Variants in TPX2 observed in about 807,000 individuals in gnomAD.
The protein encoded by TPX2 is targeting protein for Xklp2.
TPX2 carries 21 observed loss-of-function variants against 93.6 expected under a neutral mutation model. That is an observed-to-expected ratio of 0.22 (90% CI 0.16 to 0.32). The LOEUF is 0.32. Among genes scored for constraint, TPX2 ranks in the 10% least tolerant of loss-of-function variants. The pLI, the probability that TPX2 is intolerant of heterozygous loss-of-function variation, is 1.00. For missense variants in TPX2, 776 were observed against 871.1 expected (o/e 0.89, Z 1.37); for synonymous variants, 281 against 298.3 (o/e 0.94, Z 0.60).
intron 5 of TPX2, among the ~76,000 whole-genome samples, chr20:31,768,544 C>T (rs930242188): frequency 6.6e-5 from 10 of 151,906 alleles, no homozygotes; most frequent in Admixed American, 2.6e-4. Context: ...TGTGCCCGGC[C>T]GGAAAGATTT....
intron 2 of TPX2, among the ~76,000 whole-genome samples, chr20:31,757,102 C>T (rs1431389057): frequency 6.6e-6 from 1 of 151,908 alleles, no homozygotes; most frequent in Non-Finnish European, 1.5e-5. Flanking sequence ...TATTTAGAGA[C>T]AGGGTCTGTC....
At chr20:31,760,687 C>T (rs553510542) in intron 4 of TPX2, among the ~76,000 whole-genome samples, 15 of 152,106 alleles carry the variant, frequency 9.9e-5, no homozygotes, top group South Asian at 2.1e-4. Context: ...TTGCCAGATA[C>T]GTAACTGTTA....
intron 8 of TPX2, among the ~76,000 whole-genome samples, chr20:31,776,940 T>A (rs1276406263): frequency 6.6e-6 from 1 of 152,164 alleles, no homozygotes; most frequent in East Asian, 1.9e-4. Flanking sequence ...TATTTTTTTC[T>A]AAAGGCAAAG....
chr20:31,788,648 G>A, intron 12 of TPX2, among the ~76,000 whole-genome samples: 1 of 152,022 alleles, frequency 6.6e-6, no homozygotes, highest in Non-Finnish European at 1.5e-5. Context: ...GTTGATGAAA[G>A]ATGGGCTTGG....
At chr20:31,761,012 TCA>T (rs769545276) in intron 4 of TPX2, among the ~76,000 whole-genome samples, 99 of 152,290 alleles carry the variant, frequency 6.5e-4, no homozygotes, top group Middle Eastern at 3.4e-3. Flanking sequence ...TAGATTTAAC[TCA>T]CACATCATAT....
In TPX2 at chr20:31,797,485, G is replaced by A. The variant is rs1392148184; in HGVS notation, c.1915G>A (p.Val639Ile). 1 of 1,614,034 alleles carries A rather than the reference G, an allele frequency of 6.2e-7. No homozygotes were observed. Among genetic ancestry groups the A allele is most frequent in the East Asian group, 2.2e-5 (1 of 44,870 alleles). Reference protein sequence around the residue: ...PNTVISQEPFVPKKEKKSVAE... With the variant: ...PNTVISQEPFIPKKEKKSVAE... ...CACCGTCATCTCTCAGGAGCCCTTT[G>A]TTCCCAAGAAAGAGAAGAAATCAGT... The change falls in exon 16 of 18, where the codon GTT becomes ATT. Residue 639 changes from valine to isoleucine, a missense_variant. Val to Ile is a conservative substitution (Grantham distance 29). This residue lies in a region of TPX2 where 461 missense variants were observed against 551.2 expected (regional missense o/e 0.84). Transcript: ENST00000300403.
At chr20:31,782,060 C>T (rs1439865963) in intron 10 of TPX2, among the ~76,000 whole-genome samples, 189 bp from the exon 11 acceptor site, 4 of 152,144 alleles carry the variant, frequency 2.6e-5, no homozygotes, top group Admixed American at 2.0e-4. Context: ...TCATACCCCT[C>T]AATAAAAGAG....
rs370520481 is a variant in TPX2, at chr20:31,763,721, A to ATT, written c.230-2820_230-2819dup. ...TTAAATTTAATTTAATTTAAATTTA[A>ATT]TTTTTTTTTTTTTTTTGGCTGGACG... On this transcript the variant is annotated intron_variant, in intron 4 of 17. Coordinates refer to ENST00000300403, the MANE Select transcript of TPX2 (RefSeq NM_012112.5). Among the ~76,000 whole-genome samples, 615 of 114,000 alleles carry ATT rather than the reference A, an allele frequency of 5.4e-3. 10 individuals are homozygous for ATT. Among genetic ancestry groups the ATT allele is most frequent in the African/African-American group, 0.025 (560 of 22,780 alleles). The allele number at this position is 114,000 out of a possible 152,430, so 74.8% of individuals were successfully genotyped here.
In TPX2 at chr20:31,792,753, G is replaced by A. The variant is rs1274368569; in HGVS notation, c.1432G>A (p.Val478Ile). ...EDVVGVPEKK[V>I]LPITVPKSPA... is the part of the protein sequence containing the mutation. Reference sequence around the variant, plus strand: ...CTTTCAGGGTGTTCCTGAAAAGAAGGTACTTCCAATCACCGTCCCCAAGTC... The same window carrying A: ...CTTTCAGGGTGTTCCTGAAAAGAAGATACTTCCAATCACCGTCCCCAAGTC... Residue 478 changes from valine (V) to isoleucine (I), a missense_variant, in exon 13 of 18, where the codon GTA (valine) becomes ATA (isoleucine). Around this residue, in one of 3 missense-constraint regions of TPX2, gnomAD observed 461 missense variants for 551.2 expected, o/e 0.84. Coordinates refer to ENST00000300403, the MANE Select transcript of TPX2 (RefSeq NM_012112.5). 10 of 1,614,182 alleles carry A rather than the reference G, an allele frequency of 6.2e-6. No homozygotes were observed. The East Asian group carries it at 2.0e-4, about 32-fold the overall frequency.
intron 3 of TPX2, among the ~76,000 whole-genome samples, chr20:31,758,579 T>C (rs1204334610): frequency 6.6e-6 from 1 of 152,244 alleles, no homozygotes; most frequent in Non-Finnish European, 1.5e-5. Flanking sequence ...CTTTCTCTCA[T>C]GTCTCCATCC....
intron 5 of TPX2, 87 bp downstream of exon 5, chr20:31,766,769 C>T (rs2061929773): frequency 1.7e-6 from 2 of 1,190,726 alleles, no homozygotes; most frequent in Admixed American, 5.0e-5. Context: ...TGTGTCTATA[C>T]TGTGTTTATG....
chr20:31,768,937 C>T (rs1417544919), intron 5 of TPX2, among the ~76,000 whole-genome samples: 3 of 152,106 alleles, frequency 2.0e-5, no homozygotes, highest in Non-Finnish European at 4.4e-5. Flanking sequence ...GGAGATAACC[C>T]ATCAATAGTA....
intron 4 of TPX2, among the ~76,000 whole-genome samples, chr20:31,765,586 C>G (rs2061920018): frequency 6.6e-6 from 1 of 152,138 alleles, no homozygotes; most frequent in African/African-American, 2.4e-5. Flanking sequence ...GCTGTTTTAA[C>G]TCACTATTTT....
intron 7 of TPX2, 126 bp downstream of exon 7, chr20:31,771,808 T>C (rs1416557603): frequency 9.4e-7 from 1 of 1,064,640 alleles, no homozygotes; most frequent in African/African-American, 1.6e-5. Flanking sequence ...GTGAGGTGAA[T>C]TGTTACATGT....
chr20:31,755,584 T>C (rs2061846716), intron 2 of TPX2, among the ~76,000 whole-genome samples: 2 of 151,522 alleles, frequency 1.3e-5, no homozygotes, highest in Non-Finnish European at 2.9e-5. Context: ...GCCAACATGG[T>C]GAAATCCCGT....
chr20:31,800,879 C>T (rs1481800424), intron 17 of TPX2, 91 bp from the exon 18 acceptor site: 1 of 1,123,276 alleles, frequency 8.9e-7, no homozygotes, highest in African/African-American at 1.5e-5. Flanking sequence ...TAAAACTCTA[C>T]AAACATTTTC....
chr20:31,800,895 A>G, intron 17 of TPX2, 75 bp from the exon 18 acceptor site: 5 of 1,277,220 alleles, frequency 3.9e-6, no homozygotes, highest in Non-Finnish European at 5.6e-6. Flanking sequence ...TTTTCTCAAA[A>G]AGAAAAAAAT....
At chr20:31,772,380 C>G (rs1017305601) in intron 7 of TPX2, among the ~76,000 whole-genome samples, 1 of 152,134 alleles carries the variant, frequency 6.6e-6, no homozygotes, top group Non-Finnish European at 1.5e-5. Context: ...TGCCCAGGCT[C>G]TCAAACTCCT....
intron 2 of TPX2, among the ~76,000 whole-genome samples, chr20:31,756,719 G>A (rs1205261981): frequency 3.3e-5 from 5 of 152,024 alleles, no homozygotes; most frequent in Non-Finnish European, 7.4e-5. Flanking sequence ...CACCTCCCAG[G>A]TTCAAGCGAT....
Sources: gnomAD v4.1 joint callset for allele counts (sites outside exome capture counted in the v4.1 genomes callset) on GRCh38, gnomAD v4.1.1 for gene constraint, gnomAD v4.1.1 regional missense constraint, MANE v1.5 for transcripts, NCBI Gene and HGNC (gene_info 2026-07-23, HGNC 2026-07-21) for gene names.